PDE4D: variants seen among roughly 807,000 people sequenced by gnomAD.
PDE4D encodes the protein 3',5'-cyclic-AMP phosphodiesterase 4D.
In PDE4D, 24 loss-of-function variants were observed where a neutral mutation model predicts 87.4. The ratio of observed to expected loss-of-function variants is 0.27; its 90% CI spans 0.20 to 0.39. PDE4D has a LOEUF of 0.39. PDE4D is among the 10% of genes least tolerant of loss of function. The probability of loss-of-function intolerance (pLI) is 1.00; values close to 1 mark genes in which losing one functional copy is unlikely to be tolerated. For missense variants in PDE4D, 714 were observed against 1,041.0 expected (o/e 0.69, Z 4.32); for synonymous variants, 384 against 383.2 (o/e 1.00, Z -0.02).
Position 59,799,582 on chromosome 5 carries a change from T to G in PDE4D, c.455+93586A>C, listed in dbSNP as rs186165235. On this transcript the variant is annotated intron_variant, in intron 1 of 14. Transcript: ENST00000340635. ...GAAATGGTTATAAGTGACTTTTAGA[T>G]TCTGTGCTTGGGTGACTAATGACAA... 1.5e-3 allele frequency among the ~76,000 whole-genome samples: 222 copies of G among 152,292 alleles called. 1 individual carries two copies. The highest frequency in any genetic ancestry group is 5.2e-3 in the African/African-American group (215 of 41,564).
At chr5:60,458,734 A>G (rs1746683805) in intron 1 of PDE4D, among the ~76,000 whole-genome samples, 1 of 146,014 alleles carries the variant, frequency 6.8e-6, no homozygotes, top group African/African-American at 2.7e-5. Context: ...CATCAAGATA[A>G]TGAGTGAGCA....
intron 1 of PDE4D, among the ~76,000 whole-genome samples, chr5:59,823,507 G>C (rs1279782478): frequency 6.6e-6 from 1 of 152,100 alleles, no homozygotes; most frequent in South Asian, 2.1e-4. Flanking sequence ...TCCCCCAGAG[G>C]CTCCATTTGA....
chr5:59,806,664 T>A (rs1767770142), intron 1 of PDE4D, among the ~76,000 whole-genome samples: 1 of 152,222 alleles, frequency 6.6e-6, no homozygotes, highest in Non-Finnish European at 1.5e-5. Context: ...GAAAGATGAC[T>A]ATTAAAATTT....
chr5:59,713,251 T>C (rs1369489481), intron 1 of PDE4D, among the ~76,000 whole-genome samples: 1 of 152,118 alleles, frequency 6.6e-6, no homozygotes, highest in Non-Finnish European at 1.5e-5. Flanking sequence ...TTAAGGAAAA[T>C]GTATGCGCTG....
chr5:59,526,613 C>A (rs1010467999), intron 1 of PDE4D, among the ~76,000 whole-genome samples: 1 of 152,244 alleles, frequency 6.6e-6, no homozygotes. Context: ...CAAGAGGAAT[C>A]TTTTCCCATT....
intron 3 of PDE4D, among the ~76,000 whole-genome samples, chr5:59,930,069 G>C (rs1241530045): frequency 1.3e-5 from 2 of 150,364 alleles, no homozygotes; most frequent in Non-Finnish European, 2.9e-5. Flanking sequence ...GGCTGAGGCA[G>C]GAGAATGGCG....
At chr5:59,113,958 G>GA (rs1293410336) in intron 5 of PDE4D, among the ~76,000 whole-genome samples, 2 of 152,122 alleles carry the variant, frequency 1.3e-5, no homozygotes, top group African/African-American at 4.8e-5. Context: ...CCATACACTA[G>GA]AAAATTCTCT....
At chr5:59,893,742 G>C (rs1483792941), upstream of PDE4D, 4 of 1,362,418 alleles carry the variant, frequency 2.9e-6, no homozygotes, top group Non-Finnish European at 3.7e-6. Flanking sequence ...AGCAGAGGCT[G>C]GTGCTTAGCT....
intron 5 of PDE4D, among the ~76,000 whole-genome samples, chr5:59,118,090 C>T (rs917247463): frequency 6.6e-6 from 1 of 152,178 alleles, no homozygotes; most frequent in African/African-American, 2.4e-5. Context: ...TCATGGTGCC[C>T]GGCACAGTGT....
chr5:59,307,517 A>G (rs1376390122), intron 1 of PDE4D, among the ~76,000 whole-genome samples: 2 of 152,246 alleles, frequency 1.3e-5, no homozygotes, highest in African/African-American at 2.4e-5. Context: ...TTCACAAGAA[A>G]AAAACAAACA....
intron 1 of PDE4D, among the ~76,000 whole-genome samples, chr5:59,393,588 A>T (rs191489297): frequency 6.6e-6 from 1 of 152,352 alleles, no homozygotes; most frequent in Admixed American, 6.5e-5. Flanking sequence ...CTTACATTAT[A>T]AATGACAACA....
At chr5:59,290,984 A>G (rs112441167) in intron 1 of PDE4D, among the ~76,000 whole-genome samples, 6,824 of 152,122 alleles carry the variant, frequency 0.045, 203 homozygotes, top group African/African-American at 0.084. Flanking sequence ...TTTTGATGGG[A>G]ATGTAAATTA....
intron 1 of PDE4D, among the ~76,000 whole-genome samples, chr5:59,567,403 AT>A (rs1821123560): frequency 6.6e-6 from 1 of 152,208 alleles, no homozygotes; most frequent in African/African-American, 2.4e-5. Context: ...AAAGAAGTCA[AT>A]TTTCTTATCA....
intron 1 of PDE4D, among the ~76,000 whole-genome samples, chr5:60,451,923 T>C (rs1746123589): frequency 6.6e-6 from 1 of 152,036 alleles, no homozygotes; most frequent in African/African-American, 2.4e-5. Flanking sequence ...AGAAATATTA[T>C]TATGAACTAT....
intron 1 of PDE4D, among the ~76,000 whole-genome samples, chr5:59,421,586 T>C (rs976564514): frequency 6.6e-6 from 1 of 152,096 alleles, no homozygotes; most frequent in Non-Finnish European, 1.5e-5. Context: ...AACTCTGTAG[T>C]AATCAATCCA....
rs7714001 is a variant in PDE4D at position 60,145,765 on chromosome 5, T to C, written c.42+39792A>G. ...AATTGAGATCTGAATTTGAGATATG[T>C]TGGTATTTAGTTTCAAAAATGGAAA... On this transcript the variant is annotated intron_variant, in intron 2 of 16. Transcript: ENST00000502484. Among the ~76,000 whole-genome samples the C allele has an allele frequency of 2.6e-3, 403 of 152,346 alleles. 3 individuals are homozygous for C. Among genetic ancestry groups the C allele is most frequent in the African/African-American group, 9.3e-3 (388 of 41,584 alleles).
At chr5:59,320,700 A>G (rs1774564966) in intron 1 of PDE4D, among the ~76,000 whole-genome samples, 1 of 152,102 alleles carries the variant, frequency 6.6e-6, no homozygotes, top group Admixed American at 6.6e-5. Context: ...ATAAAATCTG[A>G]TTGAGGGCAT....
chr5:59,048,954 T>C (rs1237116936), intron 5 of PDE4D, among the ~76,000 whole-genome samples: 2 of 152,256 alleles, frequency 1.3e-5, no homozygotes, highest in African/African-American at 4.8e-5. Context: ...ATAATCTTCC[T>C]TAAACCCTGG....
chr5:60,050,078 T>A (rs544367535), intron 2 of PDE4D, among the ~76,000 whole-genome samples: 34 of 152,326 alleles, frequency 2.2e-4, no homozygotes, highest in Admixed American at 1.1e-3. Context: ...GTGCCGTTTT[T>A]TAAGGCCGTC....
Sources: allele counts gnomAD v4.1 joint callset (sites outside exome capture counted in the v4.1 genomes callset), GRCh38; gene constraint gnomAD v4.1.1; transcripts MANE v1.5; gene names NCBI Gene and HGNC (gene_info 2026-07-23, HGNC 2026-07-21).